Variants in FAM53B observed in about 807,000 individuals in gnomAD.
FAM53B encodes protein FAM53B.
Under a neutral mutation model 32.7 loss-of-function variants are expected in FAM53B, and 12 were observed. That is an observed-to-expected ratio of 0.37 (90% CI 0.24 to 0.59). FAM53B has a LOEUF of 0.59. Ranked by LOEUF, FAM53B falls within the 20% of genes least tolerant of loss-of-function variation. FAM53B has a pLI of 0.72. For missense variants in FAM53B, 477 were observed against 577.7 expected, an observed-to-expected ratio of 0.83 and a Z score of 1.79; for synonymous variants, 234 against 228.7, an observed-to-expected ratio of 1.02 and a Z score of -0.21.
chr10:124,721,142 C>T (rs1229218745), intron 1 of FAM53B, among the ~76,000 whole-genome samples: 1 of 152,198 alleles, frequency 6.6e-6, no homozygotes, highest in African/African-American at 2.4e-5. Context: ...GCGGAGGTTG[C>T]AGTGAGTCTG....
intron 3 of FAM53B, among the ~76,000 whole-genome samples, chr10:124,688,169 C>T (rs1041239359): frequency 6.6e-6 from 1 of 152,144 alleles, no homozygotes; most frequent in Non-Finnish European, 1.5e-5. Context: ...TGAAGCCTCC[C>T]ACTTTCTCCC....
intron 4 of FAM53B, among the ~76,000 whole-genome samples, chr10:124,627,074 C>T (rs756515123): frequency 9.8e-5 from 15 of 152,356 alleles, no homozygotes; most frequent in Non-Finnish European, 2.1e-4. Context: ...TTGAGAATTC[C>T]GTTGACTCAA....
chr10:124,671,356 G>T (rs953293438), intron 4 of FAM53B, among the ~76,000 whole-genome samples: 5 of 152,230 alleles, frequency 3.3e-5, no homozygotes, highest in African/African-American at 4.8e-5. Flanking sequence ...CTGCCCTGGG[G>T]TCCCCTAGCC....
chr10:124,670,454 C>G (rs1212980143), intron 4 of FAM53B, among the ~76,000 whole-genome samples: 1 of 152,154 alleles, frequency 6.6e-6, no homozygotes, highest in African/African-American at 2.4e-5. Flanking sequence ...CGCTCCTCAC[C>G]CCAGCCTGCA....
intron 4 of FAM53B, among the ~76,000 whole-genome samples, chr10:124,659,755 G>C (rs1473046911): frequency 1.3e-5 from 2 of 152,258 alleles, no homozygotes; most frequent in African/African-American, 4.8e-5. Context: ...TAAGGGGCCA[G>C]AAGATATCTG....
At chr10:124,671,940 A>G (rs1295062907) in intron 4 of FAM53B, among the ~76,000 whole-genome samples, 1 of 152,228 alleles carries the variant, frequency 6.6e-6, no homozygotes, top group African/African-American at 2.4e-5. Flanking sequence ...GGACTGCAGC[A>G]AAGGGTTTGT....
intron 4 of FAM53B, chr10:124,667,099 A>G: frequency 2.4e-6 from 1 of 415,318 alleles, no homozygotes; most frequent in Non-Finnish European, 4.3e-6. Flanking sequence ...CAGTCACTGA[A>G]TGATGGAGCA....
chr10:124,720,900 C>G (rs1049423963), intron 1 of FAM53B, among the ~76,000 whole-genome samples: 1 of 152,194 alleles, frequency 6.6e-6, no homozygotes, highest in Admixed American at 6.5e-5. Context: ...ACTGGGACCG[C>G]TAAAGTTCAG....
At chr10:124,716,687 T>C (rs1950040391) in intron 1 of FAM53B, among the ~76,000 whole-genome samples, 1 of 152,174 alleles carries the variant, frequency 6.6e-6, no homozygotes, top group South Asian at 2.1e-4. Flanking sequence ...CGACCGCTCA[T>C]GTCCTTTTAA....
intron 1 of FAM53B, among the ~76,000 whole-genome samples, chr10:124,730,826 A>G (rs188942705): frequency 2.0e-5 from 3 of 152,352 alleles, no homozygotes; most frequent in Admixed American, 1.3e-4. Context: ...AGTGCAGAGT[A>G]TTCATGTGGA....
chr10:124,691,090 A>T (rs1237374703), intron 3 of FAM53B, among the ~76,000 whole-genome samples: 1 of 152,214 alleles, frequency 6.6e-6, no homozygotes, highest in Non-Finnish European at 1.5e-5. Flanking sequence ...ATCATTTTCC[A>T]CTTTCCATGA....
At chr10:124,631,489 G>T (rs1320156412) in intron 4 of FAM53B, among the ~76,000 whole-genome samples, 5 of 152,178 alleles carry the variant, frequency 3.3e-5, no homozygotes, top group African/African-American at 9.7e-5. Context: ...CACTCATCCC[G>T]TGGGCTATCA....
At position 124,681,736 on chromosome 10, in the gene FAM53B, G is replaced by C; in HGVS notation, c.777C>G (p.Arg259=). Reference sequence around the variant, plus strand: ...AGCGGCTGCGGGAAAGGCCGCTGGAGCGTCTCGCCAGCTCTGGTGTTGAGG... The same window carrying C: ...AGCGGCTGCGGGAAAGGCCGCTGGACCGTCTCGCCAGCTCTGGTGTTGAGG... ...TPASTPELAR[R]SSGLSRSRSQ... The change falls in exon 4 of 5, where the codon CGC becomes CGG. Residue 259 remains arginine, a synonymous_variant. Transcript: ENST00000337318. 6.2e-7 allele frequency: 1 copy of C among 1,610,414 alleles called. No individual in the cohort carries two copies. Among genetic ancestry groups the C allele is most frequent in the Non-Finnish European group, 8.5e-7 (1 of 1,178,494 alleles).
rs372291489 is a variant in FAM53B at position 124,628,656 on chromosome 10, A to G, written c.907-5052T>C. Among the ~76,000 whole-genome samples the G allele has an allele frequency of 5.9e-5, 9 of 152,294 alleles. No homozygotes were observed. In the East Asian group the frequency reaches 1.2e-3, roughly 20 times the overall value. On this transcript the variant is annotated intron_variant, in intron 4 of 4. Transcript: ENST00000337318. Reference sequence around the variant, plus strand: ...AAACCCACAGCAGTGCCCACTCTCCACTGCTGTGAGTGTTGGCTCTGACAG... The same window carrying G: ...AAACCCACAGCAGTGCCCACTCTCCGCTGCTGTGAGTGTTGGCTCTGACAG...
intron 1 of FAM53B, among the ~76,000 whole-genome samples, chr10:124,739,711 T>A (rs909224458): frequency 1.3e-5 from 2 of 151,930 alleles, no homozygotes; most frequent in Non-Finnish European, 2.9e-5. Flanking sequence ...CCATCCCCCA[T>A]GCAAAAGCCA....
chr10:124,737,073 T>C (rs981177050), intron 1 of FAM53B, among the ~76,000 whole-genome samples: 4 of 152,238 alleles, frequency 2.6e-5, no homozygotes, highest in Admixed American at 1.3e-4. Context: ...GGCTAGTCCC[T>C]GAGCCACAGG....
chr10:124,690,121 G>A (rs990817878), intron 3 of FAM53B, among the ~76,000 whole-genome samples: 9 of 152,220 alleles, frequency 5.9e-5, no homozygotes, highest in Admixed American at 1.3e-4. Flanking sequence ...AAAGCGGGGC[G>A]CCATTAAACC....
At chr10:124,640,981 T>C (rs1182489273) in intron 4 of FAM53B, among the ~76,000 whole-genome samples, 2 of 152,200 alleles carry the variant, frequency 1.3e-5, no homozygotes, top group Non-Finnish European at 2.9e-5. Context: ...GTGGGTATTT[T>C]ACTTTCCTCT....
chr10:124,734,596 T>C (rs1055672482), intron 1 of FAM53B, among the ~76,000 whole-genome samples: 1 of 152,176 alleles, frequency 6.6e-6, no homozygotes, highest in Non-Finnish European at 1.5e-5. Context: ...CCAGCCACCT[T>C]GGTGGGTCCT....
Sources: allele counts gnomAD v4.1 joint callset (sites outside exome capture counted in the v4.1 genomes callset), GRCh38; gene constraint gnomAD v4.1.1; transcripts MANE v1.5; gene names NCBI Gene and HGNC (gene_info 2026-07-23, HGNC 2026-07-21).